The following DAW1 variants were observed in gnomAD, a reference collection of about 807,000 sequenced individuals.
The protein encoded by DAW1 is dynein assembly factor with WD repeat domains 1.
A neutral mutation model predicts 56.5 loss-of-function variants in DAW1; 47 were observed. The observed-to-expected ratio is 0.83, with a 90% CI of 0.66 to 1.06. DAW1 has a LOEUF of 1.06. DAW1 is among the 50% of genes least tolerant of loss of function. DAW1 has a pLI of 0.00. For missense variants in DAW1, 505 were observed against 499.3 expected, an observed-to-expected ratio of 1.01 and a Z score of -0.11; for synonymous variants, 190 against 179.0, an observed-to-expected ratio of 1.06 and a Z score of -0.49.
At chr2:227,877,448 C>T (rs568308297) in intron 1 of DAW1, among the ~76,000 whole-genome samples, 1 of 152,352 alleles carries the variant, frequency 6.6e-6, no homozygotes, top group African/African-American at 2.4e-5. Flanking sequence ...CCACTGCTCC[C>T]GGACTCTTTG....
At chr2:227,920,892 C>A (rs186066795) in intron 11 of DAW1, among the ~76,000 whole-genome samples, 1 of 152,036 alleles carries the variant, frequency 6.6e-6, no homozygotes, top group Non-Finnish European at 1.5e-5. Context: ...GTTGGCCAGG[C>A]GGTCTTGAAC....
At chr2:227,901,286 C>T (rs1259419502) in intron 6 of DAW1, among the ~76,000 whole-genome samples, 1 of 152,198 alleles carries the variant, frequency 6.6e-6, no homozygotes, top group Non-Finnish European at 1.5e-5. Flanking sequence ...GTGCCATTCA[C>T]CAATTCTGTG....
intron 1 of DAW1, chr2:227,876,369 C>A: frequency 8.5e-7 from 1 of 1,177,194 alleles, no homozygotes; most frequent in Non-Finnish European, 1.1e-6. Flanking sequence ...ATGTTTGCGA[C>A]TATTGCCTTA....
At chr2:227,904,734 T>C (rs1691635783) in intron 7 of DAW1, among the ~76,000 whole-genome samples, 195 bp from the exon 8 acceptor site, 1 of 152,108 alleles carries the variant, frequency 6.6e-6, no homozygotes. Flanking sequence ...AAACCTAGTT[T>C]TCAAACCTTT....
intron 1 of DAW1, among the ~76,000 whole-genome samples, chr2:227,874,298 C>T (rs2106182660): frequency 6.6e-6 from 1 of 152,324 alleles, no homozygotes; most frequent in East Asian, 1.9e-4. Flanking sequence ...CACCACTTCA[C>T]AGGTCTACTA....
rs974168180 is a variant in DAW1, at chr2:227,885,349, A to G, written c.41-2A>G. The G allele has an allele frequency of 6.3e-7, 1 of 1,585,422 alleles. No individual in the cohort carries two copies. ...TTATAACATGTTTGTTTATTTCTAT[A>G]GGAATTATGTTGGAATATGAAAAAC... On this transcript the variant is annotated splice_acceptor_variant, in intron 1 of 12. Transcript: ENST00000309931. LOFTEE classifies it high-confidence loss of function.
At chr2:227,904,255 G>A (rs1029921961) in intron 7 of DAW1, among the ~76,000 whole-genome samples, 11 of 152,078 alleles carry the variant, frequency 7.2e-5, no homozygotes, top group African/African-American at 2.7e-4. Context: ...CTAATTCTTT[G>A]TATTATTTAA....
intron 10 of DAW1, among the ~76,000 whole-genome samples, chr2:227,917,951 A>G (rs951817644): frequency 3.3e-5 from 5 of 152,208 alleles, no homozygotes; most frequent in African/African-American, 1.2e-4. Context: ...ACTACTATGT[A>G]ATGCTATAAT....
intron 10 of DAW1, among the ~76,000 whole-genome samples, chr2:227,909,270 A>ATCTATCTATCTGTCTGTCTG (rs1553603365): frequency 3.5e-5 from 5 of 144,454 alleles, no homozygotes; most frequent in South Asian, 2.2e-4. Flanking sequence ...CTATCTATCT[A>ATCTATCTATCTGTCTGTCTG]TCTGTCTGTC....
intron 10 of DAW1, among the ~76,000 whole-genome samples, chr2:227,913,767 A>G (rs1691883674): frequency 6.6e-6 from 1 of 152,020 alleles, no homozygotes; most frequent in Admixed American, 6.6e-5. Context: ...TGCATATGTC[A>G]TGCTCTTTAT....
chr2:227,918,134 A>AT (rs1396304437), intron 10 of DAW1, among the ~76,000 whole-genome samples: 1 of 144,500 alleles, frequency 6.9e-6, no homozygotes, highest in African/African-American at 2.6e-5. Flanking sequence ...CCATCCATCC[A>AT]TCCATCCGTC....
chr2:227,894,015 T>G (rs1691346652), intron 5 of DAW1, 98 bp downstream of exon 5: 2 of 1,321,966 alleles, frequency 1.5e-6, no homozygotes, highest in African/African-American at 1.5e-5. Context: ...CTAAATTTAT[T>G]GAGTGCTTGG....
chr2:227,874,914 G>C (rs1320562980), intron 1 of DAW1, among the ~76,000 whole-genome samples: 1 of 152,046 alleles, frequency 6.6e-6, no homozygotes, highest in Non-Finnish European at 1.5e-5. Flanking sequence ...AGTGAGCCAA[G>C]ATCACACCAA....
At chr2:227,873,777 T>C (rs1246105671) in intron 1 of DAW1, among the ~76,000 whole-genome samples, 2 of 152,146 alleles carry the variant, frequency 1.3e-5, no homozygotes, top group African/African-American at 4.8e-5. Flanking sequence ...ACCTCTTGGA[T>C]TCAAATGATT....
At chr2:227,918,610 A>T (rs1368780878) in intron 10 of DAW1, among the ~76,000 whole-genome samples, 170 bp from the exon 11 acceptor site, 2 of 152,168 alleles carry the variant, frequency 1.3e-5, no homozygotes, top group Non-Finnish European at 2.9e-5. Context: ...CTGCAATGGG[A>T]CCAGCAGGCA....
intron 3 of DAW1, among the ~76,000 whole-genome samples, chr2:227,890,274 G>A (rs1011460533): frequency 6.7e-6 from 1 of 150,228 alleles, no homozygotes. Context: ...ATAGTTTTAA[G>A]TTATGGAATA....
chr2:227,907,706 C>T (rs753534777), intron 10 of DAW1, among the ~76,000 whole-genome samples: 2 of 152,116 alleles, frequency 1.3e-5, no homozygotes, highest in Non-Finnish European at 1.5e-5. Flanking sequence ...CACCACCATG[C>T]CTGGCTAATT....
At chr2:227,905,859 A>G (rs1324813740) in intron 8 of DAW1, among the ~76,000 whole-genome samples, 2 of 152,100 alleles carry the variant, frequency 1.3e-5, no homozygotes, top group African/African-American at 4.8e-5. Flanking sequence ...GGTTCACGCC[A>G]TTCTCCTGCT....
intron 10 of DAW1, among the ~76,000 whole-genome samples, chr2:227,916,475 C>A (rs4973021): frequency 0.34 from 52,003 of 151,854 alleles, 9,349 homozygotes; most frequent in East Asian, 0.47. Context: ...CTTTGATAGT[C>A]ACGTATTATG....
Sources: allele counts gnomAD v4.1 joint callset (sites outside exome capture counted in the v4.1 genomes callset), GRCh38; gene constraint gnomAD v4.1.1; transcripts MANE v1.5; gene names NCBI Gene and HGNC (gene_info 2026-07-23, HGNC 2026-07-21).